The following CDC42BPA variants were observed in gnomAD, a reference collection of about 807,000 sequenced individuals.
CDC42BPA encodes the protein serine/threonine-protein kinase MRCK alpha.
A neutral mutation model predicts 223.5 loss-of-function variants in CDC42BPA; 80 were observed. The observed-to-expected ratio is 0.36, with a 90% CI of 0.30 to 0.43. CDC42BPA has a LOEUF of 0.43. Among genes scored for constraint, CDC42BPA ranks in the 20% least tolerant of loss-of-function variants. CDC42BPA has a pLI of 1.00. For missense variants in CDC42BPA, 1,743 were observed against 2,099.9 expected, an observed-to-expected ratio of 0.83 and a Z score of 3.32; for synonymous variants, 694 against 718.6, an observed-to-expected ratio of 0.97 and a Z score of 0.55.
intron 31 of CDC42BPA, among the ~76,000 whole-genome samples, chr1:227,024,668 A>G (rs533508644): frequency 7.2e-5 from 11 of 152,244 alleles, no homozygotes; most frequent in Admixed American, 1.3e-4. Context: ...ATGAGTAAAG[A>G]AAGCAAGATA....
intron 3 of CDC42BPA, among the ~76,000 whole-genome samples, chr1:227,200,757 A>G: frequency 6.6e-6 from 1 of 152,198 alleles, no homozygotes; most frequent in Non-Finnish European, 1.5e-5. Context: ...TTTCAACTCC[A>G]CCATTTAGCC....
At chr1:227,199,518 C>G in intron 4 of CDC42BPA, 39 bp downstream of exon 4, 8 of 1,132,188 alleles carry the variant, frequency 7.1e-6, no homozygotes, top group Non-Finnish European at 1.1e-5. Context: ...ATTCTTCCAA[C>G]AAAAAAACAG....
chr1:227,082,668 T>C (rs956599406), intron 16 of CDC42BPA, among the ~76,000 whole-genome samples: 4 of 142,368 alleles, frequency 2.8e-5, no homozygotes, highest in African/African-American at 1.0e-4. Context: ...TGAGCTGAGA[T>C]TGCGTCACTG....
At chr1:227,006,992 C>CAACAA in intron 34 of CDC42BPA, among the ~76,000 whole-genome samples, 1 of 148,590 alleles carries the variant, frequency 6.7e-6, no homozygotes, top group African/African-American at 2.5e-5. Flanking sequence ...ACAACAACAA[C>CAACAA]CCCCCAGCAA....
chr1:227,300,923 A>G lies in CDC42BPA; in HGVS notation c.178+16082T>C, dbSNP rs570027918. On this transcript the variant is annotated intron_variant, in intron 1 of 36. Transcript: ENST00000366766. ...GCTGCTAAACCAAAGCTACCTTTGC[A>G]GTTGTATAGTTGACACGTATTCTGA... Among the ~76,000 whole-genome samples the G allele has an allele frequency of 3.3e-5, 5 of 152,330 alleles. No individual in the cohort carries two copies. In the South Asian group the frequency reaches 8.3e-4, roughly 25 times the overall value.
intron 4 of CDC42BPA, among the ~76,000 whole-genome samples, chr1:227,195,192 T>TTTTG (rs1012047332): frequency 4.6e-4 from 70 of 152,070 alleles, no homozygotes; most frequent in African/African-American, 1.6e-3. Flanking sequence ...GGCCCAACGT[T>TTTTG]TTTGTTTGTT....
At chr1:227,229,784 T>A (rs570784871) in intron 2 of CDC42BPA, among the ~76,000 whole-genome samples, 1 of 152,356 alleles carries the variant, frequency 6.6e-6, no homozygotes, top group South Asian at 2.1e-4. Context: ...TTTTCCATTA[T>A]CTTCAACTTC....
chr1:227,282,951 T>C (rs67343460), intron 1 of CDC42BPA, among the ~76,000 whole-genome samples: 46,780 of 152,072 alleles, frequency 0.31, 7,377 homozygotes, highest in East Asian at 0.37. Flanking sequence ...GTACTTGATG[T>C]CACTGAACTA....
At chr1:227,255,502 A>T (rs766618514) in intron 1 of CDC42BPA, among the ~76,000 whole-genome samples, 1 of 152,128 alleles carries the variant, frequency 6.6e-6, no homozygotes, top group African/African-American at 2.4e-5. Context: ...AAGAGAAAAA[A>T]ATTAGCTGAA....
rs541659564 is a variant in CDC42BPA at position 227,040,925 on chromosome 1, T to C, written c.3094-689A>G. 1.1e-4 allele frequency among the ~76,000 whole-genome samples: 16 copies of C among 152,312 alleles called. No individual in the cohort carries two copies. The South Asian group carries it at 3.3e-3, about 32-fold the overall frequency. ...TTGGAATATTCCTTTGTTTTCCAAA[T>C]TAATTCTCTTAGCATGTTTTAACAA... On this transcript the variant is annotated intron_variant, in intron 23 of 36. Transcript: ENST00000366766.
In CDC42BPA at chr1:226,993,347, CCA is replaced by C. The variant is rs1178223887; in HGVS notation, c.*919_*920del. On this transcript the variant is annotated 3_prime_UTR_variant, in exon 37 of 37. Transcript: ENST00000366766. ...AAAAGTGAGAAGTGTTCAAATTCCA[CCA>C]CTAGGAAAAGAAACATCTTGGGTAG... The C allele has an allele frequency of 1.3e-5, 2 of 152,212 alleles. No homozygotes were observed. 9.4% of individuals were successfully genotyped at this position (152,212 alleles called of 1,614,324 possible).
chr1:227,304,003 TTC>T (rs1277638372), intron 1 of CDC42BPA, among the ~76,000 whole-genome samples: 26 of 152,344 alleles, frequency 1.7e-4, no homozygotes, highest in African/African-American at 5.8e-4. Context: ...TTTTACCTCA[TTC>T]TTTTAAATAG....
At chr1:227,065,543 A>G (rs1676867245) in intron 21 of CDC42BPA, among the ~76,000 whole-genome samples, 1 of 152,252 alleles carries the variant, frequency 6.6e-6, no homozygotes, top group Admixed American at 6.5e-5. Context: ...AAAGGAAAGC[A>G]TGTTGCTCCG....
intron 1 of CDC42BPA, among the ~76,000 whole-genome samples, chr1:227,297,229 A>G (rs747522709): frequency 4.6e-5 from 7 of 152,238 alleles, no homozygotes; most frequent in Non-Finnish European, 7.3e-5. Flanking sequence ...CAAAGCCACA[A>G]TGAACCACCT....
At chr1:227,080,046 C>G (rs1434661430) in intron 17 of CDC42BPA, among the ~76,000 whole-genome samples, 1 of 151,984 alleles carries the variant, frequency 6.6e-6, no homozygotes, top group Non-Finnish European at 1.5e-5. Context: ...TGACCCATCA[C>G]AAAGTCATGT....
intron 21 of CDC42BPA, among the ~76,000 whole-genome samples, chr1:227,060,504 A>G (rs904193033): frequency 2.0e-5 from 3 of 152,166 alleles, no homozygotes; most frequent in Non-Finnish European, 4.4e-5. Context: ...ACAATGTGAC[A>G]AATGCTATCA....
At chr1:227,078,722 T>C (rs1426497601) in intron 17 of CDC42BPA, among the ~76,000 whole-genome samples, 1 of 152,156 alleles carries the variant, frequency 6.6e-6, no homozygotes, top group Admixed American at 6.5e-5. Flanking sequence ...AGTGTTTGTT[T>C]TGTATTAAAA....
intron 17 of CDC42BPA, among the ~76,000 whole-genome samples, chr1:227,076,112 T>C (rs1558440207): frequency 3.3e-5 from 5 of 152,212 alleles, no homozygotes; most frequent in Admixed American, 3.3e-4. Flanking sequence ...AGAGAATTAC[T>C]GGTTTGGAGG....
intron 5 of CDC42BPA, among the ~76,000 whole-genome samples, chr1:227,188,983 C>T (rs539249503): frequency 1.3e-5 from 2 of 152,162 alleles, no homozygotes; most frequent in Non-Finnish European, 2.9e-5. Context: ...GAACTCTATA[C>T]TTTCCACTCA....
Sources: gnomAD v4.1 joint callset for allele counts (sites outside exome capture counted in the v4.1 genomes callset) on GRCh38, gnomAD v4.1.1 for gene constraint, MANE v1.5 for transcripts, NCBI Gene and HGNC (gene_info 2026-07-23, HGNC 2026-07-21) for gene names.